CTNNA3: variants seen among roughly 807,000 people sequenced by gnomAD.
CTNNA3 encodes catenin alpha 3.
In CTNNA3, 76 loss-of-function variants were observed where a neutral mutation model predicts 95.7. That is an observed-to-expected ratio of 0.79 (90% confidence interval 0.66 to 0.96). The LOEUF (loss-of-function observed/expected upper bound fraction) is 0.96. Ranked by LOEUF, CTNNA3 falls within the 40% of genes least tolerant of loss-of-function variation. The pLI, the probability that CTNNA3 is intolerant of heterozygous loss-of-function variation, is 0.00. For synonymous variants in CTNNA3, 431 were observed against 374.4 expected (o/e 1.15, Z -1.74); for missense variants, 1,191 against 1,089.8 (o/e 1.09, Z -1.31).
At chr10:67,169,972 C>T (rs1029458199) in intron 7 of CTNNA3, among the ~76,000 whole-genome samples, 5 of 152,104 alleles carry the variant, frequency 3.3e-5, no homozygotes, top group African/African-American at 1.2e-4. Flanking sequence ...GATATGAACA[C>T]ACTTTTCAAA....
At chr10:67,561,002 C>A (rs1177634474) in intron 3 of CTNNA3, among the ~76,000 whole-genome samples, 1 of 151,178 alleles carries the variant, frequency 6.6e-6, no homozygotes, top group African/African-American at 2.4e-5. Flanking sequence ...TCCTTAGAGA[C>A]CTACAAAGAG....
At chr10:67,727,684 A>C (rs1372786815) in intron 1 of CTNNA3, among the ~76,000 whole-genome samples, 2 of 128,014 alleles carry the variant, frequency 1.6e-5, no homozygotes, top group Admixed American at 9.1e-5. Flanking sequence ...ATATAAATAT[A>C]TAATATATAA....
intron 5 of CTNNA3, among the ~76,000 whole-genome samples, chr10:67,431,012 C>T (rs1308308174): frequency 6.6e-6 from 1 of 151,884 alleles, no homozygotes; most frequent in African/African-American, 2.4e-5. Context: ...CTTCAGATAG[C>T]TCCTTAAGTT....
At chr10:67,282,177 C>T (rs1438454584) in intron 5 of CTNNA3, among the ~76,000 whole-genome samples, 2 of 152,116 alleles carry the variant, frequency 1.3e-5, no homozygotes, top group East Asian at 3.9e-4. Flanking sequence ...TAATTCTACC[C>T]TATTCCTTAC....
At chr10:66,034,805 A>C (rs192500765) in intron 15 of CTNNA3, among the ~76,000 whole-genome samples, 61 of 152,320 alleles carry the variant, frequency 4.0e-4, no homozygotes, top group African/African-American at 1.4e-3. Context: ...TAAGCAAAAC[A>C]AGAACTGTGG....
intron 1 of CTNNA3, among the ~76,000 whole-genome samples, chr10:67,674,548 A>C (rs892420959): frequency 1.3e-5 from 2 of 152,166 alleles, no homozygotes; most frequent in Non-Finnish European, 2.9e-5. Context: ...TCCAAAAAAC[A>C]CCACCAGCAG....
At chr10:67,011,935 G>A (rs1162222709) in intron 7 of CTNNA3, among the ~76,000 whole-genome samples, 1 of 152,106 alleles carries the variant, frequency 6.6e-6, no homozygotes, top group Non-Finnish European at 1.5e-5. Flanking sequence ...CCACTATGGA[G>A]CCCCAGGAGT....
intron 12 of CTNNA3, among the ~76,000 whole-genome samples, chr10:66,377,672 T>C (rs570231620): frequency 1.3e-5 from 2 of 152,078 alleles, no homozygotes; most frequent in South Asian, 4.1e-4. Context: ...AAACCCCTGT[T>C]ACATTCTTCT....
chr10:66,779,714 CT>C (rs1564677934), intron 7 of CTNNA3, among the ~76,000 whole-genome samples: 1 of 152,154 alleles, frequency 6.6e-6, no homozygotes, highest in African/African-American at 2.4e-5. Context: ...TACATAGAGC[CT>C]TTGTTGATCT....
At chr10:66,235,559 C>T (rs1297223229) in intron 13 of CTNNA3, among the ~76,000 whole-genome samples, 1 of 151,920 alleles carries the variant, frequency 6.6e-6, no homozygotes, top group Non-Finnish European at 1.5e-5. Flanking sequence ...TACCTAATGC[C>T]TTCTTTAAGT....
chr10:67,256,826 T>C (rs1395065117), intron 5 of CTNNA3, among the ~76,000 whole-genome samples: 1 of 152,176 alleles, frequency 6.6e-6, no homozygotes, highest in African/African-American at 2.4e-5. Flanking sequence ...AAAACTTCAG[T>C]ATCATGGACA....
At chr10:67,197,714 A>G (rs1295023363) in intron 6 of CTNNA3, among the ~76,000 whole-genome samples, 1 of 152,144 alleles carries the variant, frequency 6.6e-6, no homozygotes. Context: ...CTTGGTATGA[A>G]AAGAGTTAAA....
chr10:67,001,905 A>G (rs1390638423), intron 7 of CTNNA3, among the ~76,000 whole-genome samples: 2 of 152,202 alleles, frequency 1.3e-5, no homozygotes, highest in Non-Finnish European at 2.9e-5. Flanking sequence ...CACATTTGCT[A>G]CAACCAGGCA....
intron 7 of CTNNA3, among the ~76,000 whole-genome samples, chr10:67,050,693 G>T (rs1031665933): frequency 1.3e-5 from 2 of 152,110 alleles, no homozygotes; most frequent in African/African-American, 4.8e-5. Flanking sequence ...ACAGCAAAAG[G>T]AATTTACTGA....
intron 7 of CTNNA3, among the ~76,000 whole-genome samples, chr10:66,893,393 T>C (rs1845347565): frequency 6.6e-6 from 1 of 152,048 alleles, no homozygotes; most frequent in Non-Finnish European, 1.5e-5. Context: ...TGAGTTCTTC[T>C]AGAAGGATCT....
intron 5 of CTNNA3, among the ~76,000 whole-genome samples, chr10:67,498,937 G>T (rs1839135410): frequency 6.6e-6 from 1 of 152,080 alleles, no homozygotes; most frequent in African/African-American, 2.4e-5. Context: ...TCTTTCTCTT[G>T]CCTGATTGCC....
chr10:67,675,484 AT>A (rs1297366309), intron 1 of CTNNA3, among the ~76,000 whole-genome samples: 2 of 152,100 alleles, frequency 1.3e-5, no homozygotes, highest in Non-Finnish European at 2.9e-5. Context: ...TATTCTTCTC[AT>A]GAACAGAAAC....
chr10:67,692,099 C>T (rs1840874596), intron 1 of CTNNA3, among the ~76,000 whole-genome samples: 1 of 149,162 alleles, frequency 6.7e-6, no homozygotes, highest in Non-Finnish European at 1.5e-5. Flanking sequence ...GGCCAGCTGC[C>T]CCCTCCGGGA....
At chr10:65,951,347 T>C (rs1365682160) in intron 17 of CTNNA3, among the ~76,000 whole-genome samples, 2 of 152,130 alleles carry the variant, frequency 1.3e-5, no homozygotes, top group Non-Finnish European at 2.9e-5. Flanking sequence ...ACTTGATAGA[T>C]GAAGAAATGG....
Sources: gnomAD v4.1 joint callset for allele counts (sites outside exome capture counted in the v4.1 genomes callset) on GRCh38, gnomAD v4.1.1 for gene constraint, MANE v1.5 for transcripts, NCBI Gene and HGNC (gene_info 2026-07-23, HGNC 2026-07-21) for gene names.